The following GIGYF2 variants were observed in gnomAD, a reference collection of about 807,000 sequenced individuals.
GIGYF2 encodes the protein GRB10 interacting GYF protein 2.
In GIGYF2, 25 loss-of-function variants were observed where a neutral mutation model predicts 208.1. The ratio of observed to expected loss-of-function variants is 0.12; its 90% CI spans 0.09 to 0.17. The LOEUF is 0.17. Ranked by LOEUF, GIGYF2 falls within the 10% of genes least tolerant of loss-of-function variation. The pLI is 1.00. For missense variants in GIGYF2, 1,302 were observed against 1,579.4 expected, an observed-to-expected ratio of 0.82 and a Z score of 2.98; for synonymous variants, 534 against 543.8, an observed-to-expected ratio of 0.98 and a Z score of 0.25.
At chr2:232,821,783 A>G (rs1013429695) in intron 21 of GIGYF2, among the ~76,000 whole-genome samples, 13 of 151,548 alleles carry the variant, frequency 8.6e-5, no homozygotes, top group African/African-American at 2.9e-4. Context: ...TATCTCCTGT[A>G]TTTTTTTTAA....
At chr2:232,818,034 A>G (rs1420141849) in intron 20 of GIGYF2, among the ~76,000 whole-genome samples, 1 of 152,134 alleles carries the variant, frequency 6.6e-6, no homozygotes, top group East Asian at 1.9e-4. Flanking sequence ...AACACTTGTT[A>G]TTTTATTTTT....
chr2:232,704,688 C>T (rs1696005424), intron 2 of GIGYF2, among the ~76,000 whole-genome samples: 2 of 151,902 alleles, frequency 1.3e-5, no homozygotes, highest in Admixed American at 1.3e-4. Context: ...TGAGCCACCA[C>T]ATATGGACTT....
At chr2:232,715,166 C>CT (rs1696623551) in intron 2 of GIGYF2, among the ~76,000 whole-genome samples, 1 of 152,082 alleles carries the variant, frequency 6.6e-6, no homozygotes, top group Non-Finnish European at 1.5e-5. Flanking sequence ...ACATAATTAT[C>CT]TGTGATTCAT....
At chr2:232,811,222 CT>C (rs3217560) in intron 16 of GIGYF2, 21 bp from the exon 17 acceptor site, 10,599 of 1,130,798 alleles carry the variant, frequency 9.4e-3, no homozygotes, top group Non-Finnish European at 0.011. Context: ...ACAGGTTATA[CT>C]TTTTTTTTTA....
At chr2:232,819,449 C>T (rs551312135) in intron 20 of GIGYF2, among the ~76,000 whole-genome samples, 1 of 152,190 alleles carries the variant, frequency 6.6e-6, no homozygotes, top group African/African-American at 2.4e-5. Flanking sequence ...GATTTGCCCT[C>T]TCTATGCCTT....
intron 14 of GIGYF2, among the ~76,000 whole-genome samples, chr2:232,798,687 GC>G (rs1335267254): frequency 6.6e-6 from 1 of 151,812 alleles, no homozygotes; most frequent in African/African-American, 2.4e-5. Flanking sequence ...GAACATCTTT[GC>G]ATGTTCTTAC....
At chr2:232,746,199 A>G (rs2106310192) in intron 3 of GIGYF2, among the ~76,000 whole-genome samples, 1 of 152,060 alleles carries the variant, frequency 6.6e-6, no homozygotes, top group Non-Finnish European at 1.5e-5. Context: ...TCCCACCCCA[A>G]CAGTCTCACT....
chr2:232,723,619 G>A (rs753948418), intron 2 of GIGYF2, among the ~76,000 whole-genome samples: 1 of 151,528 alleles, frequency 6.6e-6, no homozygotes, highest in Admixed American at 6.6e-5. Context: ...TAGTAGAGAC[G>A]GGGGTTTCAA....
chr2:232,823,392 G>T (rs1174981154), intron 21 of GIGYF2, among the ~76,000 whole-genome samples: 3 of 138,920 alleles, frequency 2.2e-5, no homozygotes, highest in Non-Finnish European at 4.6e-5. Flanking sequence ...TATTGAGATG[G>T]TCTCACACTG....
chr2:232,742,552 AAAAT>A (rs369981563), intron 3 of GIGYF2, among the ~76,000 whole-genome samples: 4 of 152,254 alleles, frequency 2.6e-5, no homozygotes, highest in South Asian at 4.1e-4. Flanking sequence ...CTCTGTCTCA[AAAAT>A]AAATAAATAA....
At position 232,859,272 on chromosome 2, in the gene GIGYF2, G is replaced by A. The variant is rs1018596436; in HGVS notation, c.*2412G>A. ...TCCTGAGTTTTGAAGTATTTGTTTT[G>A]TACCCTCTCTGCTTCCGGTTTTTTG... On this transcript the variant is annotated 3_prime_UTR_variant, in exon 29 of 29. Transcript: ENST00000373563. The A allele has an allele frequency of 4.6e-5, 7 of 151,896 alleles. No individual in the cohort carries two copies. The highest frequency in any genetic ancestry group is 1.5e-4 in the African/African-American group (6 of 41,312). 9.4% of individuals were successfully genotyped at this position (151,896 alleles called of 1,614,324 possible).
At chr2:232,789,432 C>T (rs928548963) in intron 9 of GIGYF2, among the ~76,000 whole-genome samples, 1 of 152,160 alleles carries the variant, frequency 6.6e-6, no homozygotes, top group African/African-American at 2.4e-5. Context: ...TTCATTTGAT[C>T]ATGAAGACTC....
At chr2:232,764,299 G>A (rs1054328523) in intron 8 of GIGYF2, 4 of 152,184 alleles carry the variant, frequency 2.6e-5, no homozygotes, top group Admixed American at 6.5e-5. Flanking sequence ...GTTCATCAGC[G>A]GTGTGCTGAT....
intron 3 of GIGYF2, among the ~76,000 whole-genome samples, chr2:232,742,819 A>G (rs886453219): frequency 2.6e-5 from 4 of 152,076 alleles, no homozygotes; most frequent in Non-Finnish European, 5.9e-5. Flanking sequence ...GTCCTTAACT[A>G]TGTTTGAGAA....
At chr2:232,759,342 A>G (rs560856647) in intron 6 of GIGYF2, among the ~76,000 whole-genome samples, 1 of 152,118 alleles carries the variant, frequency 6.6e-6, no homozygotes, top group Non-Finnish European at 1.5e-5. Flanking sequence ...TTACAAATAC[A>G]TCCTTGGACC....
At chr2:232,790,481 T>TG (rs1350687937) in intron 9 of GIGYF2, among the ~76,000 whole-genome samples, 1 of 152,232 alleles carries the variant, frequency 6.6e-6, no homozygotes, top group Non-Finnish European at 1.5e-5. Flanking sequence ...TAGAGTATGT[T>TG]GCCTGGCTCA....
chr2:232,761,272 ATG>A, intron 7 of GIGYF2, 122 bp from the exon 8 acceptor site: 1 of 675,934 alleles, frequency 1.5e-6, no homozygotes, highest in Non-Finnish European at 2.7e-6. Context: ...GGCAATAACT[ATG>A]TATTTATTTG....
At chr2:232,774,837 G>A (rs535206183) in intron 8 of GIGYF2, among the ~76,000 whole-genome samples, 12 of 152,160 alleles carry the variant, frequency 7.9e-5, no homozygotes, top group Non-Finnish European at 1.6e-4. Flanking sequence ...TTTTATGAAA[G>A]TTCTAAAATT....
chr2:232,708,828 ATTT>A (rs1174575409), intron 2 of GIGYF2, among the ~76,000 whole-genome samples: 1 of 147,900 alleles, frequency 6.8e-6, no homozygotes, highest in African/African-American at 2.5e-5. Context: ...AAAAAAAAAA[ATTT>A]TTTTTTCTGG....
Sources: allele counts gnomAD v4.1 joint callset (sites outside exome capture counted in the v4.1 genomes callset), GRCh38; gene constraint gnomAD v4.1.1; transcripts MANE v1.5; gene names NCBI Gene and HGNC (gene_info 2026-07-23, HGNC 2026-07-21).